Variants in CEBPG observed in about 807,000 individuals in gnomAD.
The protein encoded by CEBPG is CCAAT enhancer binding protein gamma.
A neutral mutation model predicts 11.1 loss-of-function variants in CEBPG; 6 were observed. The observed-to-expected ratio is 0.54, with a 90% CI of 0.30 to 1.07. The LOEUF is 1.07. CEBPG is among the 50% of genes least tolerant of loss of function. The probability of loss-of-function intolerance (pLI) is 0.07; values close to 1 mark genes in which losing one functional copy is unlikely to be tolerated. For missense variants in CEBPG, 161 were observed against 187.4 expected, an observed-to-expected ratio of 0.86 and a Z score of 0.82; for synonymous variants, 66 against 71.0, an observed-to-expected ratio of 0.93 and a Z score of 0.36.
At chr19:33,377,451 AAGT>A (rs1006408375) in intron 1 of CEBPG, among the ~76,000 whole-genome samples, 15 of 152,222 alleles carry the variant, frequency 9.9e-5, no homozygotes, top group African/African-American at 2.4e-4. Flanking sequence ...ATTAAAAAAA[AAGT>A]AGAGAAATAA....
At chr19:33,377,101 G>A (rs568105896) in intron 1 of CEBPG, among the ~76,000 whole-genome samples, 1 of 152,316 alleles carries the variant, frequency 6.6e-6, no homozygotes, top group South Asian at 2.1e-4. Flanking sequence ...TCAGGCAGAG[G>A]TGAAAAAGCC....
At chr19:33,377,280 C>A (rs1717875358) in intron 1 of CEBPG, among the ~76,000 whole-genome samples, 1 of 152,136 alleles carries the variant, frequency 6.6e-6, no homozygotes, top group South Asian at 2.1e-4. Flanking sequence ...GAACAGACAG[C>A]CATGGAAGAA....
At chr19:33,375,050 A>G (rs1352464789) in intron 1 of CEBPG, among the ~76,000 whole-genome samples, 1 of 152,242 alleles carries the variant, frequency 6.6e-6, no homozygotes, top group Non-Finnish European at 1.5e-5. Flanking sequence ...AAGTTGCTGT[A>G]AACAAGGCTA....
In CEBPG at chr19:33,379,853, A is replaced by G. The variant is rs907323296; in HGVS notation, c.*161A>G. On this transcript the variant is annotated 3_prime_UTR_variant, in exon 2 of 2. Transcript: ENST00000284000. ...GCACTGAAGAGTTGATTAGCTAAAAATGTTAGCCTTGTAATTCGAATATCT... is the reference window on the plus strand; with the variant it reads ...GCACTGAAGAGTTGATTAGCTAAAAGTGTTAGCCTTGTAATTCGAATATCT... 29 of 597,166 alleles carry G rather than the reference A, an allele frequency of 4.9e-5. No homozygotes were observed. Among genetic ancestry groups the G allele is most frequent in the Admixed American group, 1.4e-4 (4 of 28,092 alleles). 37.0% of individuals were successfully genotyped at this position (597,166 alleles called of 1,614,324 possible). A position where few individuals can be genotyped will look rare whatever the true frequency, so the allele number is the denominator to read the frequency against.
chr19:33,377,587 A>AT (rs1967926653), intron 1 of CEBPG, among the ~76,000 whole-genome samples: 1 of 152,336 alleles, frequency 6.6e-6, no homozygotes, highest in Admixed American at 6.5e-5. Flanking sequence ...GTGGCACTAA[A>AT]TGTGGCTCAG....
At chr19:33,377,138 CG>C (rs1478256743) in intron 1 of CEBPG, among the ~76,000 whole-genome samples, 1 of 151,882 alleles carries the variant, frequency 6.6e-6, no homozygotes, top group Admixed American at 6.6e-5. Context: ...TCTTTGGATA[CG>C]GAAACAGGCG....
chr19:33,379,071 T>C, intron 1 of CEBPG, 73 bp from the exon 2 acceptor site: 1 of 550,798 alleles, frequency 1.8e-6, no homozygotes, highest in African/African-American at 1.9e-5. Context: ...GGCCTGATGT[T>C]AGGTACGTAC....
At chr19:33,375,818 G>A (rs1353443871) in intron 1 of CEBPG, among the ~76,000 whole-genome samples, 1 of 152,216 alleles carries the variant, frequency 6.6e-6, no homozygotes, top group Non-Finnish European at 1.5e-5. Context: ...TAGTGGTTTA[G>A]TACTGTCAAG....
Position 33,379,253 on chromosome 19 carries a change from C to G in CEBPG, c.14C>G (p.Ser5Trp), listed in dbSNP as rs139168356. The change falls in exon 2 of 2, where the codon TCG (serine) becomes TGG (tryptophan). Residue 5 changes from serine to tryptophan, a missense_variant. By Grantham distance (177) the Ser-to-Trp change is radical (BLOSUM62 -3). Transcript: ENST00000284000. MSKI[S>W]QQNSTPGVNG... ...GAGAGTGCCCAAATGAGCAAGATAT[C>G]GCAGCAAAACAGCACTCCAGGGGTG... 1.3e-6 allele frequency: 2 copies of G among 1,541,376 alleles called. No homozygotes were observed. The highest frequency in any genetic ancestry group is 1.4e-5 in the African/African-American group (1 of 72,318).
chr19:33,378,834 GC>G (rs1215011169), intron 1 of CEBPG, among the ~76,000 whole-genome samples: 1 of 152,200 alleles, frequency 6.6e-6, no homozygotes, highest in Non-Finnish European at 1.5e-5. Flanking sequence ...ATTGTCAAGT[GC>G]TGTTAGTTCA....
intron 1 of CEBPG, among the ~76,000 whole-genome samples, chr19:33,377,877 G>A (rs1427103584): frequency 6.6e-6 from 1 of 152,226 alleles, no homozygotes; most frequent in Non-Finnish European, 1.5e-5. Flanking sequence ...ACAGTGTACA[G>A]AATTGCCTGG....
At chr19:33,377,347 G>A (rs913200962) in intron 1 of CEBPG, among the ~76,000 whole-genome samples, 1 of 152,160 alleles carries the variant, frequency 6.6e-6, no homozygotes, top group African/African-American at 2.4e-5. Flanking sequence ...GAACTGGCCT[G>A]GTCACTGGTC....
At chr19:33,375,778 A>C (rs980782204) in intron 1 of CEBPG, among the ~76,000 whole-genome samples, 11 of 152,182 alleles carry the variant, frequency 7.2e-5, no homozygotes, top group Non-Finnish European at 1.6e-4. Context: ...CCCAAAGAAA[A>C]GAGAAAGCAC....
In CEBPG at chr19:33,380,153, G is replaced by A. The variant is rs537694444; in HGVS notation, c.*461G>A. On this transcript the variant is annotated 3_prime_UTR_variant, in exon 2 of 2. Transcript: ENST00000284000. Reference sequence around the variant, plus strand: ...CTTCTAAATTATGTATTATAAATTCGTAGAGCTATAGAAAGCAATGAGTGT... The same window carrying A: ...CTTCTAAATTATGTATTATAAATTCATAGAGCTATAGAAAGCAATGAGTGT... The A allele has an allele frequency of 4.8e-5, 8 of 168,098 alleles. No individual in the cohort carries two copies. The highest frequency in any genetic ancestry group is 2.9e-5 in the Non-Finnish European group (2 of 68,854). 10.4% of individuals were successfully genotyped at this position (168,098 alleles called of 1,614,324 possible).
chr19:33,381,693 C>T lies in CEBPG; in HGVS notation c.*2001C>T, dbSNP rs551784872. On this transcript the variant is annotated 3_prime_UTR_variant, in exon 2 of 2. Coordinates refer to ENST00000284000, the MANE Select transcript of CEBPG (RefSeq NM_001806.4). ...CAGACATTTAAATCTCTTGGGAATT[C>T]GATGCTCCCATGGAATTTATACCAG... The T allele has an allele frequency of 1.2e-5, 2 of 167,104 alleles. No individual in the cohort carries two copies. The highest frequency in any genetic ancestry group is 1.3e-4 in the Admixed American group (2 of 15,302). 10.4% of individuals were successfully genotyped at this position (167,104 alleles called of 1,614,324 possible).
Position 33,380,651 on chromosome 19 carries a change from T to TA in CEBPG, c.*960dup, listed in dbSNP as rs1967974581. 6.0e-6 allele frequency: 1 copy of TA among 167,008 alleles called. No individual in the cohort carries two copies. Among genetic ancestry groups the TA allele is most frequent in the Admixed American group, 6.5e-5 (1 of 15,294 alleles). The allele number at this position is 167,008 out of a possible 1,614,324, so 10.3% of individuals were successfully genotyped here. On this transcript the variant is annotated 3_prime_UTR_variant, in exon 2 of 2. Coordinates refer to ENST00000284000, the MANE Select transcript of CEBPG (RefSeq NM_001806.4). Reference sequence around the variant, plus strand: ...TTCAAAATAGCTGCCATGGGGCTGTTACTTTTAAAGTCAAAATTTTCTTCT... The same window carrying TA: ...TTCAAAATAGCTGCCATGGGGCTGTTAACTTTTAAAGTCAAAATTTTCTTCT...
In CEBPG at chr19:33,379,759, C is replaced by T; in HGVS notation, c.*67C>T. On this transcript the variant is annotated 3_prime_UTR_variant, in exon 2 of 2. Coordinates refer to ENST00000284000, the MANE Select transcript of CEBPG (RefSeq NM_001806.4). ...TAAAGGTGTGACCACCGACACCACT[C>T]ATGTCAATGGCTGAAAGTTGTCCAT... 1 of 1,395,994 alleles carries T rather than the reference C, an allele frequency of 7.2e-7. No individual in the cohort carries two copies. Among genetic ancestry groups the T allele is most frequent in the African/African-American group, 1.4e-5 (1 of 69,236 alleles). The allele number at this position is 1,395,994 out of a possible 1,614,324, so 86.5% of individuals were successfully genotyped here.
rs1967953103 is a variant in CEBPG at position 33,379,289 on chromosome 19, G to C, written c.50G>C (p.Ser17Thr). Residue 17 changes from serine to threonine, a missense_variant, in exon 2 of 2, where the codon AGT becomes ACT. Ser to Thr is a moderately conservative substitution (Grantham distance 58). Coordinates refer to ENST00000284000, the MANE Select transcript of CEBPG (RefSeq NM_001806.4). ...AGCACTCCAGGGGTGAACGGAATTA[G>C]TGTTATCCATACCCAGGCACATGCC... ...QNSTPGVNGI[S>T]VIHTQAHASG... is the part of the protein sequence containing the mutation. 1 of 1,599,302 alleles carries C rather than the reference G, an allele frequency of 6.3e-7. No individual in the cohort carries two copies. The highest frequency in any genetic ancestry group is 1.7e-5 in the Admixed American group (1 of 57,348).
At position 33,379,532 on chromosome 19, in the gene CEBPG, AAGAAG is replaced by A. The variant is rs776528023; in HGVS notation, c.298_302del (p.Glu100Ter). 1.9e-6 allele frequency: 3 copies of A among 1,614,080 alleles called. No individual in the cohort carries two copies. The highest frequency in any genetic ancestry group is 2.5e-6 in the Non-Finnish European group (3 of 1,179,974). Reference sequence around the variant, plus strand: ...ACACTGCAGAGAGTCAATCAGCTCAAAGAAGAGAATGAACGGTTGGAAGCAAAAAT... The same window carrying A: ...ACACTGCAGAGAGTCAATCAGCTCAAAGAATGAACGGTTGGAAGCAAAAAT... On this transcript the variant is annotated frameshift_variant, in exon 2 of 2. Transcript: ENST00000284000.
Sources: gnomAD v4.1 joint callset for allele counts (sites outside exome capture counted in the v4.1 genomes callset) on GRCh38, gnomAD v4.1.1 for gene constraint, MANE v1.5 for transcripts, NCBI Gene and HGNC (gene_info 2026-07-23, HGNC 2026-07-21) for gene names.